Variants in BANF2 observed in about 807,000 individuals in gnomAD.
The protein encoded by BANF2 is BANF family member 2, also known as barrier-to-autointegration factor-like protein.
Under a neutral mutation model 8.0 loss-of-function variants are expected in BANF2, and 4 were observed. That is an observed-to-expected ratio of 0.50 (90% confidence interval 0.25 to 1.14). The LOEUF (loss-of-function observed/expected upper bound fraction) is 1.14. Among genes scored for constraint, BANF2 ranks in the 50% most tolerant of loss-of-function variants. The pLI is 0.16. For missense variants in BANF2, 96 were observed against 107.5 expected (o/e 0.89, Z 0.47); for synonymous variants, 50 against 40.6 (o/e 1.23, Z -0.88).
chr20:17,733,421 TTAAG>T (rs1285722307), intron 3 of BANF2, among the ~76,000 whole-genome samples: 7 of 152,190 alleles, frequency 4.6e-5, no homozygotes, highest in African/African-American at 9.7e-5. Flanking sequence ...ACTACTATTA[TTAAG>T]TATTATCATG....
chr20:17,714,213 A>G (rs375037323), intron 1 of BANF2, among the ~76,000 whole-genome samples: 8 of 129,606 alleles, frequency 6.2e-5, no homozygotes, highest in Middle Eastern at 4.4e-3. Flanking sequence ...AAAAAAAAAA[A>G]AGAAAGAAAG....
chr20:17,716,033 C>T (rs368372056), intron 1 of BANF2, among the ~76,000 whole-genome samples: 4 of 152,160 alleles, frequency 2.6e-5, no homozygotes, highest in East Asian at 3.9e-4. Flanking sequence ...TTCCCACCCG[C>T]CGAGCAGCCC....
chr20:17,725,115 G>A lies in BANF2; in HGVS notation c.90G>A (p.Glu30=), dbSNP rs2037787215. ...DVCWVDGISH[E]LAINLVTKGI... is the part of the protein sequence containing the mutation. ...GCTGGGTGGATGGCATCAGCCATGA[G>A]CTCGCGATCAATTTGGTCACCAAAG... Residue 30 remains glutamate, a synonymous_variant, in exon 3 of 4, where the codon GAG becomes GAA. Transcript: ENST00000246090. 1.9e-6 allele frequency: 3 copies of A among 1,613,048 alleles called. No individual in the cohort carries two copies. The highest frequency in any genetic ancestry group is 2.5e-6 in the Non-Finnish European group (3 of 1,179,052).
intron 1 of BANF2, among the ~76,000 whole-genome samples, chr20:17,708,820 G>A (rs1437291187): frequency 6.6e-6 from 1 of 152,108 alleles, no homozygotes; most frequent in Non-Finnish European, 1.5e-5. Flanking sequence ...CTGACCCTTA[G>A]TAGAGGCGGA....
chr20:17,705,287 A>T (rs568864178), intron 1 of BANF2, among the ~76,000 whole-genome samples: 1 of 152,320 alleles, frequency 6.6e-6, no homozygotes, highest in Non-Finnish European at 1.5e-5. Context: ...AAGCTAAAAA[A>T]TTGTCCCAAT....
intron 1 of BANF2, among the ~76,000 whole-genome samples, chr20:17,708,646 A>C (rs1383398261): frequency 6.6e-6 from 1 of 151,834 alleles, no homozygotes; most frequent in African/African-American, 2.4e-5. Flanking sequence ...TGTTTTCTTC[A>C]CTGCTTTATT....
chr20:17,695,774 A>G (rs1433806628), upstream of BANF2, among the ~76,000 whole-genome samples: 1 of 152,224 alleles, frequency 6.6e-6, no homozygotes, highest in Non-Finnish European at 1.5e-5. Flanking sequence ...CATCGCCATG[A>G]TAGAGATCTG....
intron 1 of BANF2, among the ~76,000 whole-genome samples, chr20:17,717,324 G>A (rs967104986): frequency 6.6e-6 from 1 of 152,012 alleles, no homozygotes; most frequent in Non-Finnish European, 1.5e-5. Flanking sequence ...AGGGCATAGG[G>A]GTGGGTGCTC....
At chr20:17,735,535 TC>T (rs2037964539) in intron 3 of BANF2, 129 bp from the exon 4 acceptor site, 1 of 1,078,760 alleles carries the variant, frequency 9.3e-7, no homozygotes, top group African/African-American at 1.6e-5. Context: ...ACTGACAGGC[TC>T]CCTTGAATCG....
upstream of BANF2, among the ~76,000 whole-genome samples, chr20:17,696,560 G>C (rs114302486): frequency 6.6e-6 from 1 of 152,042 alleles, no homozygotes; most frequent in African/African-American, 2.4e-5. Context: ...TAATAATGTC[G>C]AACATTTTTT....
intron 3 of BANF2, among the ~76,000 whole-genome samples, chr20:17,726,062 T>A (rs1280945590): frequency 2.0e-5 from 3 of 152,344 alleles, no homozygotes; most frequent in Admixed American, 2.0e-4. Context: ...GTCCAGTAGA[T>A]GGTATCATCA....
chr20:17,711,854 T>C (rs762431163), intron 1 of BANF2, among the ~76,000 whole-genome samples: 4 of 152,206 alleles, frequency 2.6e-5, no homozygotes, highest in Non-Finnish European at 5.9e-5. Flanking sequence ...ATGGCACCAA[T>C]GGCACCTACT....
In BANF2 at chr20:17,712,548, A is replaced by ACAAACCCGTGCCCAT. The variant is rs1415744726; in HGVS notation, c.-166-10168_-166-10167insCAAACCCGTGCCCAT. 1.7e-5 allele frequency: 17 copies of ACAAACCCGTGCCCAT among 982,480 alleles called. No individual in the cohort carries two copies. In the East Asian group the frequency reaches 1.2e-3, roughly 72 times the overall value. The allele number at this position is 982,480 out of a possible 1,614,324, so 60.9% of individuals were successfully genotyped here. A position where few individuals can be genotyped will look rare whatever the true frequency, so the allele number is the denominator to read the frequency against. On this transcript the variant is annotated intron_variant, in intron 1 of 3. Coordinates refer to ENST00000246090, the MANE Select transcript of BANF2 (RefSeq NM_178477.5). The stretch of plus-strand genomic sequence containing the variant: ...TTCTGGATGTTTGTTCAGGTAGGGA[A>ACAAACCCGTGCCCAT]GTTCAAGCCCCGTGCCCATGAACGT...
At chr20:17,731,051 G>A (rs1417853132) in intron 3 of BANF2, 1 of 152,256 alleles carries the variant, frequency 6.6e-6, no homozygotes, top group Non-Finnish European at 1.5e-5. Context: ...ATCACTTGAG[G>A]TCAGGAGTTC....
intron 3 of BANF2, among the ~76,000 whole-genome samples, chr20:17,735,323 A>G (rs1024475467): frequency 6.6e-6 from 1 of 152,130 alleles, no homozygotes; most frequent in Non-Finnish European, 1.5e-5. Flanking sequence ...GCATGTTAGA[A>G]ATGCAGGCCT....
chr20:17,732,838 G>A (rs750509007), intron 3 of BANF2, among the ~76,000 whole-genome samples: 3 of 152,224 alleles, frequency 2.0e-5, no homozygotes, highest in Non-Finnish European at 4.4e-5. Context: ...GAAAGGGGCA[G>A]CATCTTTTCT....
chr20:17,693,747 A>G, intron 1 of BANF2: 1 of 1,550,194 alleles, frequency 6.5e-7, no homozygotes, highest in Non-Finnish European at 8.7e-7. Flanking sequence ...ACGGTGGGGA[A>G]GAGACGGCGG....
intron 1 of BANF2, among the ~76,000 whole-genome samples, chr20:17,719,706 G>C (rs1395153444): frequency 6.6e-6 from 1 of 151,008 alleles, no homozygotes; most frequent in African/African-American, 2.4e-5. Flanking sequence ...AAAAAAAAGA[G>C]GAGCAGCTTG....
upstream of BANF2, among the ~76,000 whole-genome samples, chr20:17,695,767 C>T (rs560975424): frequency 1.2e-3 from 180 of 152,282 alleles, no homozygotes; most frequent in South Asian, 7.5e-3. Context: ...GAGTAATCAT[C>T]GCCATGATAG....
Sources: allele counts gnomAD v4.1 joint callset (sites outside exome capture counted in the v4.1 genomes callset), GRCh38; gene constraint gnomAD v4.1.1; transcripts MANE v1.5; gene names NCBI Gene and HGNC (gene_info 2026-07-23, HGNC 2026-07-21).